Variants in MATN2 observed in about 807,000 individuals in gnomAD.
MATN2 encodes the protein matrilin 2, also known as matrilin-2.
In MATN2, 69 loss-of-function variants were observed where a neutral mutation model predicts 103.2. That is an observed-to-expected ratio of 0.67 (90% CI 0.55 to 0.82). The LOEUF is 0.82. Ranked by LOEUF, MATN2 falls within the 40% of genes least tolerant of loss-of-function variation. MATN2 has a pLI of 0.00. For missense variants in MATN2, 1,023 were observed against 1,211.5 expected, an observed-to-expected ratio of 0.84 and a Z score of 2.31; for synonymous variants, 429 against 450.2, an observed-to-expected ratio of 0.95 and a Z score of 0.60.
chr8:97,965,700 G>A (rs1811456163), intron 5 of MATN2, among the ~76,000 whole-genome samples: 2 of 152,094 alleles, frequency 1.3e-5, no homozygotes, highest in African/African-American at 4.8e-5. Flanking sequence ...GTTGGACATG[G>A]CTGGATGTGG....
intron 2 of MATN2, among the ~76,000 whole-genome samples, chr8:97,929,244 A>G (rs891238516): frequency 2.0e-5 from 3 of 152,202 alleles, no homozygotes; most frequent in Admixed American, 6.5e-5. Flanking sequence ...CCTGGACAGG[A>G]TGACTTCATG....
At chr8:98,028,049 G>A (rs772613360) in intron 14 of MATN2, among the ~76,000 whole-genome samples, 18 of 152,180 alleles carry the variant, frequency 1.2e-4, no homozygotes, top group Non-Finnish European at 2.4e-4. Flanking sequence ...GCTACTAGAA[G>A]GGTAGGCTAA....
At chr8:97,959,397 A>G (rs999548671) in intron 4 of MATN2, among the ~76,000 whole-genome samples, 3 of 144,170 alleles carry the variant, frequency 2.1e-5, no homozygotes. Flanking sequence ...TATGATTCAG[A>G]CATTTCTTAT....
intron 2 of MATN2, among the ~76,000 whole-genome samples, chr8:97,926,756 C>T (rs1330981971): frequency 2.6e-5 from 4 of 152,198 alleles, no homozygotes; most frequent in South Asian, 2.1e-4. Flanking sequence ...TCCTCTAGAA[C>T]ATTTTGGCTT....
intron 2 of MATN2, among the ~76,000 whole-genome samples, chr8:97,893,455 T>C (rs1202316790): frequency 6.6e-6 from 1 of 152,192 alleles, no homozygotes. Context: ...TTCTCTTTGT[T>C]ACCCCACTTT....
intron 1 of MATN2, among the ~76,000 whole-genome samples, chr8:97,884,928 G>A (rs1264690436): frequency 6.6e-6 from 1 of 152,216 alleles, no homozygotes; most frequent in East Asian, 1.9e-4. Flanking sequence ...CCGTTTTAAA[G>A]ATGAGGAAAC....
intron 12 of MATN2, among the ~76,000 whole-genome samples, chr8:98,019,648 G>A (rs533392913): frequency 3.9e-5 from 6 of 152,260 alleles, no homozygotes; most frequent in South Asian, 2.1e-4. Flanking sequence ...GATGTCATAC[G>A]AGCTCAGTGA....
At chr8:97,966,723 A>T (rs528211167) in intron 5 of MATN2, among the ~76,000 whole-genome samples, 16 of 152,322 alleles carry the variant, frequency 1.1e-4, no homozygotes, top group Admixed American at 7.2e-4. Flanking sequence ...AGGAAGCAGC[A>T]TAGTTTATTT....
chr8:98,034,046 G>A (rs369779997), intron 18 of MATN2: 7 of 410,130 alleles, frequency 1.7e-5, no homozygotes, highest in East Asian at 1.4e-4. Flanking sequence ...GTTGTAGAAT[G>A]AAGAGGTTTC....
At chr8:97,870,090 C>G (rs1396228646) in intron 1 of MATN2, among the ~76,000 whole-genome samples, 1 of 152,166 alleles carries the variant, frequency 6.6e-6, no homozygotes, top group East Asian at 1.9e-4. Context: ...AGAGCAGAGA[C>G]TGGGGTCAGC....
In MATN2 at chr8:97,937,583, CTTTTTTTTTT is replaced by C. The variant is rs376203275; in HGVS notation, c.713-4180_713-4171del. On this transcript the variant is annotated intron_variant, in intron 3 of 18. Coordinates refer to ENST00000254898, the MANE Select transcript of MATN2 (RefSeq NM_002380.5). ...TCTTTTAATTCCCCCTCCCCACTAACTTTTTTTTTTTTTTTTTTTTTTTGAGATGGAGTCA... is the reference window on the plus strand; with the variant it reads ...TCTTTTAATTCCCCCTCCCCACTAACTTTTTTTTTTTTTGAGATGGAGTCA... Among the ~76,000 whole-genome samples, 8 of 89,814 alleles carry C rather than the reference CTTTTTTTTTT, an allele frequency of 8.9e-5. No individual in the cohort carries two copies. The East Asian group carries it at 1.3e-3, about 15-fold the overall frequency. 58.9% of individuals were successfully genotyped at this position (89,814 alleles called of 152,430 possible). A position where few individuals can be genotyped will look rare whatever the true frequency, so the allele number is the denominator to read the frequency against.
chr8:97,905,615 C>A (rs55780646), intron 2 of MATN2, among the ~76,000 whole-genome samples: 5,468 of 152,152 alleles, frequency 0.036, 314 homozygotes, highest in African/African-American at 0.12. Flanking sequence ...TGTCAACGGC[C>A]ACAGGTTGTT....
At chr8:97,971,992 T>C (rs181642003) in intron 5 of MATN2, among the ~76,000 whole-genome samples, 1 of 150,322 alleles carries the variant, frequency 6.7e-6, no homozygotes, top group East Asian at 2.0e-4. Flanking sequence ...GCTCAGGAGT[T>C]CGAGACCAGC....
At chr8:98,016,274 G>A (rs1357509007) in intron 10 of MATN2, among the ~76,000 whole-genome samples, 1 of 152,168 alleles carries the variant, frequency 6.6e-6, no homozygotes, top group Non-Finnish European at 1.5e-5. Context: ...CTGGGAGGCT[G>A]AGATGGGAGG....
chr8:97,903,666 A>G (rs1819065338), intron 2 of MATN2, among the ~76,000 whole-genome samples: 1 of 151,956 alleles, frequency 6.6e-6, no homozygotes, highest in Non-Finnish European at 1.5e-5. Context: ...AGTGGAGCAA[A>G]GACTGGAAAA....
chr8:97,936,745 C>T (rs9297280), intron 3 of MATN2, among the ~76,000 whole-genome samples: 55,716 of 151,898 alleles, frequency 0.37, 10,184 homozygotes, highest in African/African-American at 0.4. Flanking sequence ...TCCAGCAGGC[C>T]GGTGGAGGAG....
intron 5 of MATN2, among the ~76,000 whole-genome samples, chr8:97,964,097 A>G (rs1251605906): frequency 6.6e-6 from 1 of 152,136 alleles, no homozygotes; most frequent in Non-Finnish European, 1.5e-5. Context: ...GTGACTGTGG[A>G]GGTGGCAATG....
chr8:97,970,585 G>A (rs1347900932), intron 5 of MATN2, among the ~76,000 whole-genome samples: 5 of 152,154 alleles, frequency 3.3e-5, no homozygotes, highest in Non-Finnish European at 7.3e-5. Context: ...AGGAAAGAAG[G>A]CTTCAGTCAG....
At position 97,989,570 on chromosome 8, in the gene MATN2, GCTTT is replaced by G. The variant is rs1221474984; in HGVS notation, c.1082-4905_1082-4902del. 4.6e-5 allele frequency among the ~76,000 whole-genome samples: 7 copies of G among 151,956 alleles called. No individual in the cohort carries two copies. The East Asian group carries it at 5.8e-4, about 13-fold the overall frequency. ...ATCATACTTAATAGTGAAAGACAATGCTTTCTTTATCAGATCAGGAATAAAACAG... is the reference window on the plus strand; with the variant it reads ...ATCATACTTAATAGTGAAAGACAATGCTTTATCAGATCAGGAATAAAACAG... On this transcript the variant is annotated intron_variant, in intron 6 of 18. Transcript: ENST00000254898.
Sources: allele counts gnomAD v4.1 joint callset (sites outside exome capture counted in the v4.1 genomes callset), GRCh38; gene constraint gnomAD v4.1.1; transcripts MANE v1.5; gene names NCBI Gene and HGNC (gene_info 2026-07-23, HGNC 2026-07-21).